The following EEF1AKMT1 variants were observed in gnomAD, a reference collection of about 807,000 sequenced individuals.
The protein encoded by EEF1AKMT1 is EEF1A lysine methyltransferase 1, also known as N-6 adenine-specific DNA methyltransferase 2 (putative).
In EEF1AKMT1, 18 loss-of-function variants were observed where a neutral mutation model predicts 21.0. That is an observed-to-expected ratio of 0.86 (90% CI 0.59 to 1.27). The LOEUF (loss-of-function observed/expected upper bound fraction) is 1.27. EEF1AKMT1 is among the 50% of genes most tolerant of loss of function. The probability of loss-of-function intolerance (pLI) is 0.00; values close to 1 mark genes in which losing one functional copy is unlikely to be tolerated. For missense variants in EEF1AKMT1, 246 were observed against 258.6 expected (o/e 0.95, Z 0.33); for synonymous variants, 109 against 94.8 (o/e 1.15, Z -0.87).
intron 3 of EEF1AKMT1, among the ~76,000 whole-genome samples, chr13:20,734,527 G>A (rs1189667946): frequency 6.6e-6 from 1 of 152,158 alleles, no homozygotes; most frequent in Non-Finnish European, 1.5e-5. Flanking sequence ...CAACAGGAGA[G>A]GGCACACAGT....
chr13:20,759,454 T>C (rs1033131995), intron 1 of EEF1AKMT1, among the ~76,000 whole-genome samples: 4 of 151,590 alleles, frequency 2.6e-5, no homozygotes, highest in African/African-American at 7.3e-5. Context: ...GTGGCGGGCA[T>C]CTGTAGTCCC....
chr13:20,759,302 G>A (rs919004671), intron 1 of EEF1AKMT1, among the ~76,000 whole-genome samples: 9 of 152,286 alleles, frequency 5.9e-5, no homozygotes, highest in Non-Finnish European at 8.8e-5. Context: ...TAAATCGGCC[G>A]GGCGCCGTGG....
chr13:20,760,570 A>G (rs898683268), intron 1 of EEF1AKMT1, among the ~76,000 whole-genome samples: 9 of 152,180 alleles, frequency 5.9e-5, no homozygotes, highest in Non-Finnish European at 1.2e-4. Context: ...GAAGGATTGA[A>G]AAAAACTACC....
At chr13:20,744,198 G>A (rs2058889618) in intron 2 of EEF1AKMT1, among the ~76,000 whole-genome samples, 1 of 152,042 alleles carries the variant, frequency 6.6e-6, no homozygotes, top group Admixed American at 6.6e-5. Context: ...TAATCCTTTG[G>A]GTATATGCCT....
chr13:20,746,497 T>C (rs1347563119), intron 2 of EEF1AKMT1, among the ~76,000 whole-genome samples: 1 of 152,180 alleles, frequency 6.6e-6, no homozygotes, highest in Admixed American at 6.5e-5. Context: ...CTCTGACCTC[T>C]ACCTCTGCAA....
At chr13:20,744,260 ACT>A (rs1282866077) in intron 2 of EEF1AKMT1, among the ~76,000 whole-genome samples, 1 of 152,202 alleles carries the variant, frequency 6.6e-6, no homozygotes, top group African/African-American at 2.4e-5. Flanking sequence ...GAATCGCCAC[ACT>A]GTTTTCCACA....
intron 3 of EEF1AKMT1, 121 bp from the exon 4 acceptor site, chr13:20,732,242 T>C: frequency 9.6e-7 from 1 of 1,038,880 alleles, no homozygotes; most frequent in South Asian, 1.7e-5. Context: ...GAAACAATAA[T>C]GCAAACTAGT....
chr13:20,765,774 T>G (rs957268898), intron 1 of EEF1AKMT1, among the ~76,000 whole-genome samples: 2 of 152,086 alleles, frequency 1.3e-5, no homozygotes, highest in African/African-American at 4.8e-5. Flanking sequence ...TGAATTTTTT[T>G]TTTTTTAGAA....
chr13:20,739,331 G>T (rs778407950), intron 2 of EEF1AKMT1, among the ~76,000 whole-genome samples: 1 of 152,144 alleles, frequency 6.6e-6, no homozygotes, highest in Non-Finnish European at 1.5e-5. Flanking sequence ...CCACAGCATG[G>T]AAGGCAACCC....
intron 4 of EEF1AKMT1, 93 bp from the exon 5 acceptor site, chr13:20,729,309 C>A: frequency 6.9e-7 from 1 of 1,440,640 alleles, no homozygotes; most frequent in Non-Finnish European, 9.5e-7. Context: ...GGCGGACCAC[C>A]GGTGGCAATT....
At chr13:20,732,503 TTG>T (rs1491020690) in intron 3 of EEF1AKMT1, among the ~76,000 whole-genome samples, 1 of 152,100 alleles carries the variant, frequency 6.6e-6, no homozygotes, top group Non-Finnish European at 1.5e-5. Context: ...GCTAATTTTT[TTG>T]TATTTTTAGT....
intron 1 of EEF1AKMT1, among the ~76,000 whole-genome samples, chr13:20,773,331 A>C (rs1218476882): frequency 6.6e-6 from 1 of 152,030 alleles, no homozygotes; most frequent in African/African-American, 2.4e-5. Context: ...TCGTCCCAGC[A>C]CTTCTTCTGC....
intron 2 of EEF1AKMT1, among the ~76,000 whole-genome samples, chr13:20,749,009 C>T (rs956938175): frequency 2.6e-5 from 4 of 152,088 alleles, no homozygotes; most frequent in East Asian, 1.9e-4. Context: ...GAATTACAGG[C>T]GTGAGCCATC....
intron 2 of EEF1AKMT1, among the ~76,000 whole-genome samples, chr13:20,738,802 G>C (rs1185707722): frequency 6.6e-6 from 1 of 152,210 alleles, no homozygotes; most frequent in Non-Finnish European, 1.5e-5. Flanking sequence ...CAGTAGATTA[G>C]TGGTTGCCAG....
chr13:20,760,807 ACT>A (rs1160875562), intron 1 of EEF1AKMT1, among the ~76,000 whole-genome samples: 1 of 152,222 alleles, frequency 6.6e-6, no homozygotes, highest in Admixed American at 6.5e-5. Flanking sequence ...ATATTGGTAT[ACT>A]CTCTAATTTA....
At chr13:20,750,400 A>G (rs183300277) in intron 2 of EEF1AKMT1, among the ~76,000 whole-genome samples, 148 of 152,082 alleles carry the variant, frequency 9.7e-4, no homozygotes, top group African/African-American at 3.4e-3. Context: ...CTCTATCTCC[A>G]TGACATCAAC....
At chr13:20,739,310 G>C (rs558363053) in intron 2 of EEF1AKMT1, among the ~76,000 whole-genome samples, 9 of 152,314 alleles carry the variant, frequency 5.9e-5, no homozygotes, top group African/African-American at 1.4e-4. Flanking sequence ...AGGAGCAAAA[G>C]AACAAACCTT....
intron 2 of EEF1AKMT1, among the ~76,000 whole-genome samples, chr13:20,755,866 G>C (rs760487336): frequency 2.6e-5 from 4 of 152,088 alleles, no homozygotes; most frequent in Non-Finnish European, 4.4e-5. Context: ...TAGAAAAAAA[G>C]TACATAGTAT....
intron 2 of EEF1AKMT1, among the ~76,000 whole-genome samples, chr13:20,748,312 T>TA (rs2058919368): frequency 6.6e-6 from 1 of 151,934 alleles, no homozygotes; most frequent in African/African-American, 2.4e-5. Flanking sequence ...GGCGGGCGCC[T>TA]GTAGTCCCAG....
Sources: gnomAD v4.1 joint callset for allele counts (sites outside exome capture counted in the v4.1 genomes callset) on GRCh38, gnomAD v4.1.1 for gene constraint, MANE v1.5 for transcripts, NCBI Gene and HGNC (gene_info 2026-07-23, HGNC 2026-07-21) for gene names.